TRMT11: variants seen among roughly 807,000 people sequenced by gnomAD.
TRMT11 encodes the protein tRNA (guanine(10)-N(2))-methyltransferase TRMT11.
In TRMT11, 53 loss-of-function variants were observed where a neutral mutation model predicts 62.8. The ratio of observed to expected loss-of-function variants is 0.84; its 90% CI spans 0.68 to 1.06. The LOEUF is 1.06. Ranked by LOEUF, TRMT11 falls within the 50% of genes least tolerant of loss-of-function variation. The pLI, the probability that TRMT11 is intolerant of heterozygous loss-of-function variation, is 0.00. For synonymous variants in TRMT11, 188 were observed against 190.3 expected (o/e 0.99, Z 0.10); for missense variants, 556 against 553.4 (o/e 1.00, Z -0.05).
downstream of TRMT11, among the ~76,000 whole-genome samples, chr6:126,203,654 G>A (rs561462235): frequency 1.9e-4 from 29 of 152,110 alleles, no homozygotes; most frequent in African/African-American, 6.8e-4. Flanking sequence ...AAGCTGTTAC[G>A]TACAAGCATG....
the TRMT11 span, among the ~76,000 whole-genome samples, chr6:126,252,037 G>T: frequency 1.3e-5 from 2 of 152,334 alleles, 1 homozygote; most frequent in Middle Eastern, 6.8e-3. Context: ...TCTGTCTATT[G>T]ATTGTTGGGT....
intron 11 of TRMT11, among the ~76,000 whole-genome samples, chr6:126,018,942 G>T (rs755157055): frequency 6.6e-6 from 1 of 151,914 alleles, no homozygotes; most frequent in East Asian, 1.9e-4. Context: ...GTGCAGTGGC[G>T]TGATCTCGGC....
At chr6:126,070,675 A>G (rs1417983805) in intron 17 of TRMT11, among the ~76,000 whole-genome samples, 1 of 152,200 alleles carries the variant, frequency 6.6e-6, no homozygotes, top group Non-Finnish European at 1.5e-5. Flanking sequence ...ACACCATCCT[A>G]CATAAACCAA....
intron 17 of TRMT11, among the ~76,000 whole-genome samples, chr6:126,101,078 T>C (rs1041926897): frequency 2.0e-5 from 3 of 152,128 alleles, no homozygotes; most frequent in African/African-American, 7.2e-5. Context: ...GGAGCAGTTA[T>C]AAATACAGAT....
chr6:126,032,497 T>C (rs1187854805), intron 12 of TRMT11, among the ~76,000 whole-genome samples: 1 of 152,178 alleles, frequency 6.6e-6, no homozygotes, highest in Non-Finnish European at 1.5e-5. Context: ...GCACTGTGTT[T>C]CCTCTTCCTA....
At chr6:126,156,822 C>A (rs950130467) in intron 21 of TRMT11, among the ~76,000 whole-genome samples, 1 of 152,118 alleles carries the variant, frequency 6.6e-6, no homozygotes, top group Non-Finnish European at 1.5e-5. Context: ...AGAGATCTGC[C>A]CCCAGGATCC....
intron 16 of TRMT11, among the ~76,000 whole-genome samples, chr6:126,050,234 G>A (rs1415458411): frequency 6.6e-6 from 1 of 151,498 alleles, no homozygotes; most frequent in East Asian, 1.9e-4. Flanking sequence ...GGAGGCTGAG[G>A]CAGGAGAATC....
Position 126,012,841 on chromosome 6 carries a change from A to G in TRMT11, c.996A>G (p.Lys332=), listed in dbSNP as rs757071689. 2.5e-6 allele frequency: 4 copies of G among 1,613,514 alleles called. No homozygotes were observed. The highest frequency in any genetic ancestry group is 3.4e-6 in the Non-Finnish European group (4 of 1,179,568). The change falls in exon 10 of 13, where the codon AAA becomes AAG. Residue 332 remains lysine (K), a synonymous_variant. Coordinates refer to ENST00000334379, the MANE Select transcript of TRMT11 (RefSeq NM_001031712.3). ...SQKEIPKGIE[K]WEKCPESHVP... is the part of the protein sequence containing the mutation. ...AGGAGATACCAAAGGGGATAGAAAA[A>G]TGGGAAAAATGGTAAGTGAAATTTA...
At chr6:126,084,216 A>G (rs1443850443) in intron 17 of TRMT11, among the ~76,000 whole-genome samples, 2 of 152,142 alleles carry the variant, frequency 1.3e-5, no homozygotes, top group Non-Finnish European at 2.9e-5. Context: ...TCAACAGTGT[A>G]TAAGAGTTCC....
At chr6:126,145,616 G>A (rs528253607) in intron 21 of TRMT11, among the ~76,000 whole-genome samples, 4 of 152,248 alleles carry the variant, frequency 2.6e-5, no homozygotes, top group African/African-American at 9.6e-5. Context: ...AGGTGGGAGA[G>A]GGGGAGAGAA....
intron 12 of TRMT11, among the ~76,000 whole-genome samples, chr6:126,033,602 AAAATG>A (rs1415503751): frequency 5.9e-5 from 9 of 152,134 alleles, no homozygotes; most frequent in Non-Finnish European, 1.2e-4. Flanking sequence ...TCATTATTTA[AAAATG>A]AAATGGTGTG....
At chr6:126,151,610 C>T (rs1382270180) in intron 21 of TRMT11, among the ~76,000 whole-genome samples, 3 of 152,178 alleles carry the variant, frequency 2.0e-5, no homozygotes, top group African/African-American at 7.2e-5. Flanking sequence ...CTCTCTCTCA[C>T]CTTGCCAAAT....
chr6:126,025,199 T>A (rs1054361149), intron 12 of TRMT11, among the ~76,000 whole-genome samples: 1 of 152,220 alleles, frequency 6.6e-6, no homozygotes, highest in Non-Finnish European at 1.5e-5. Context: ...ATACTTGCTT[T>A]CCACTGAGTT....
At chr6:126,035,230 G>A (rs1282889651) in intron 12 of TRMT11, among the ~76,000 whole-genome samples, 1 of 152,074 alleles carries the variant, frequency 6.6e-6, no homozygotes, top group African/African-American at 2.4e-5. Context: ...CATACTGAGT[G>A]TTTCGTGAGA....
At chr6:126,157,175 G>A in intron 21 of TRMT11, among the ~76,000 whole-genome samples, 1 of 152,122 alleles carries the variant, frequency 6.6e-6, no homozygotes, top group East Asian at 1.9e-4. Context: ...CAGGAAGTGG[G>A]CTGCCCACCT....
At chr6:126,261,296 T>G in the TRMT11 span, among the ~76,000 whole-genome samples, 1 of 152,222 alleles carries the variant, frequency 6.6e-6, no homozygotes, top group Admixed American at 6.5e-5. Flanking sequence ...AATATCTATC[T>G]CTTTGTTAAA....
chr6:126,200,489 G>T (rs2128252385), intron 3 of TRMT11, among the ~76,000 whole-genome samples: 1 of 152,296 alleles, frequency 6.6e-6, no homozygotes, highest in African/African-American at 2.4e-5. Context: ...TCACTGCTAA[G>T]CAACGTGTGA....
chr6:126,044,529 T>A (rs1337801724), intron 16 of TRMT11, among the ~76,000 whole-genome samples: 1 of 152,196 alleles, frequency 6.6e-6, no homozygotes, highest in African/African-American at 2.4e-5. Context: ...GAAGCAATTC[T>A]CCATAGATCT....
At chr6:126,027,852 G>T (rs1265721356) in intron 12 of TRMT11, among the ~76,000 whole-genome samples, 1 of 152,098 alleles carries the variant, frequency 6.6e-6, no homozygotes, top group Non-Finnish European at 1.5e-5. Flanking sequence ...AAGCTATGAA[G>T]TACAAAAGAA....
Sources: allele counts gnomAD v4.1 joint callset (sites outside exome capture counted in the v4.1 genomes callset), GRCh38; gene constraint gnomAD v4.1.1; transcripts MANE v1.5; gene names NCBI Gene and HGNC (gene_info 2026-07-23, HGNC 2026-07-21).